CDH18: variants seen among roughly 807,000 people sequenced by gnomAD.
CDH18 encodes cadherin-18.
CDH18 carries 31 observed loss-of-function variants against 67.9 expected under a neutral mutation model. That is an observed-to-expected ratio of 0.46 (90% CI 0.34 to 0.62). The LOEUF (loss-of-function observed/expected upper bound fraction) is 0.62. Ranked by LOEUF, CDH18 falls within the 20% of genes least tolerant of loss-of-function variation. CDH18 has a pLI of 0.01. For synonymous variants in CDH18, 362 were observed against 347.2 expected, an observed-to-expected ratio of 1.04 and a Z score of -0.48; for missense variants, 890 against 975.5, an observed-to-expected ratio of 0.91 and a Z score of 1.17.
At chr5:20,096,884 C>T (rs922682128) in intron 2 of CDH18, among the ~76,000 whole-genome samples, 1 of 151,970 alleles carries the variant, frequency 6.6e-6, no homozygotes, top group Non-Finnish European at 1.5e-5. Flanking sequence ...GGTACATATC[C>T]ATTAGTTAAA....
At chr5:20,467,111 A>G (rs1751684699) in intron 1 of CDH18, among the ~76,000 whole-genome samples, 1 of 152,140 alleles carries the variant, frequency 6.6e-6, no homozygotes, top group African/African-American at 2.4e-5. Flanking sequence ...TTGATGCAGT[A>G]ACTATATGGT....
At chr5:20,238,137 TA>T (rs1742617950) in intron 2 of CDH18, among the ~76,000 whole-genome samples, 1 of 144,552 alleles carries the variant, frequency 6.9e-6, no homozygotes, top group Non-Finnish European at 1.5e-5. Context: ...AAGAGGGTCA[TA>T]AACATAAATG....
intron 2 of CDH18, among the ~76,000 whole-genome samples, chr5:20,107,132 G>A (rs1349731772): frequency 1.3e-5 from 2 of 150,104 alleles, no homozygotes; most frequent in African/African-American, 2.5e-5. Context: ...CCAGGCTGGA[G>A]TGCAGTGGCG....
At position 19,648,210 on chromosome 5, in the gene CDH18, T is replaced by A. The variant is rs557337079; in HGVS notation, c.644-35609A>T. On this transcript the variant is annotated intron_variant, in intron 5 of 12. Transcript: ENST00000382275. ...CAGATGGATCACTTTAGGTCGGTAG[T>A]TCGAGACCAGCCTGGCCAACATGTT... is the stretch of plus-strand genomic sequence containing the variant. Among the ~76,000 whole-genome samples the A allele has an allele frequency of 8.0e-5, 12 of 150,552 alleles. No homozygotes were observed. In the East Asian group the frequency reaches 1.8e-3, roughly 22 times the overall value.
chr5:19,687,530 G>A (rs1580872570), intron 5 of CDH18, among the ~76,000 whole-genome samples: 1 of 152,266 alleles, frequency 6.6e-6, no homozygotes, highest in African/African-American at 2.4e-5. Flanking sequence ...CGTTGGCATA[G>A]GACAAGGGAG....
chr5:19,609,958 A>G (rs1748680097), intron 6 of CDH18, among the ~76,000 whole-genome samples: 1 of 152,100 alleles, frequency 6.6e-6, no homozygotes, highest in African/African-American at 2.4e-5. Flanking sequence ...CTAGGTACAT[A>G]GCTGTTTAAT....
intron 1 of CDH18, among the ~76,000 whole-genome samples, chr5:20,361,202 A>C (rs1328812204): frequency 6.6e-6 from 1 of 152,030 alleles, no homozygotes; most frequent in Non-Finnish European, 1.5e-5. Context: ...GATATCAGTC[A>C]AAAGAAATAT....
chr5:19,535,002 GA>G (rs1383305237), intron 9 of CDH18, among the ~76,000 whole-genome samples: 2 of 152,092 alleles, frequency 1.3e-5, no homozygotes, highest in Non-Finnish European at 2.9e-5. Context: ...AGACATGTTG[GA>G]AGCATCTCCC....
chr5:20,062,081 C>T (rs1338583545), intron 2 of CDH18, among the ~76,000 whole-genome samples: 1 of 151,420 alleles, frequency 6.6e-6, no homozygotes, highest in Admixed American at 6.6e-5. Context: ...CCTGGAGGGG[C>T]TCAGTAAATA....
intron 1 of CDH18, among the ~76,000 whole-genome samples, chr5:20,296,408 C>T (rs931996519): frequency 1.3e-5 from 2 of 151,138 alleles, no homozygotes; most frequent in Non-Finnish European, 3.0e-5. Flanking sequence ...ACTACAGGCG[C>T]CCGCCACCAC....
In CDH18 at chr5:19,755,438, T is replaced by TATAC. The variant is rs1478038216; in HGVS notation, c.229-8203_229-8202insGTAT. Among the ~76,000 whole-genome samples the TATAC allele has an allele frequency of 4.8e-4, 5 of 10,442 alleles. 1 individual carries two copies. The highest frequency in any genetic ancestry group is 5.5e-4 in the African/African-American group (5 of 9,116). The allele number at this position is 10,442 out of a possible 152,430, so 6.9% of individuals were successfully genotyped here. On this transcript the variant is annotated intron_variant, in intron 3 of 12. Coordinates refer to ENST00000382275, the MANE Select transcript of CDH18 (RefSeq NM_004934.5). The stretch of plus-strand genomic sequence containing the variant: ...ACAGAACTAACAGGGTATGTATATA[T>TATAC]ATATATATATATATATATATACACA...
chr5:20,112,766 T>C (rs1747587750), intron 2 of CDH18, among the ~76,000 whole-genome samples: 1 of 152,150 alleles, frequency 6.6e-6, no homozygotes, highest in Admixed American at 6.5e-5. Flanking sequence ...ATGCTCATTA[T>C]TCATATTATT....
intron 2 of CDH18, among the ~76,000 whole-genome samples, chr5:19,902,338 T>C (rs1333465490): frequency 6.6e-6 from 1 of 152,122 alleles, no homozygotes; most frequent in Non-Finnish European, 1.5e-5. Flanking sequence ...CTGGGATCCT[T>C]ACAAAAGACC....
intron 1 of CDH18, among the ~76,000 whole-genome samples, chr5:20,288,577 C>T (rs549031555): frequency 1.3e-5 from 2 of 151,694 alleles, no homozygotes; most frequent in South Asian, 2.1e-4. Context: ...TTCATGACAT[C>T]AAAATAATTT....
chr5:19,572,382 T>C (rs1168094486), intron 7 of CDH18, among the ~76,000 whole-genome samples: 2 of 152,210 alleles, frequency 1.3e-5, no homozygotes, highest in Non-Finnish European at 2.9e-5. Context: ...CATTTCTATT[T>C]ATGCCACTGA....
At chr5:20,199,919 T>A (rs185015671) in intron 2 of CDH18, among the ~76,000 whole-genome samples, 3 of 152,284 alleles carry the variant, frequency 2.0e-5, no homozygotes, top group African/African-American at 7.2e-5. Flanking sequence ...GGTGACTTCC[T>A]CCCCTTTATC....
intron 2 of CDH18, among the ~76,000 whole-genome samples, chr5:20,254,973 G>A (rs1303040228): frequency 6.6e-6 from 1 of 152,056 alleles, no homozygotes; most frequent in Non-Finnish European, 1.5e-5. Context: ...GCAGCAATGC[G>A]AATGGAACTG....
rs139488984 is a variant in CDH18 at position 20,546,527 on chromosome 5, A to G, written c.-580+28935T>C. 1.1e-4 allele frequency among the ~76,000 whole-genome samples: 17 copies of G among 152,268 alleles called. 1 individual carries two copies. Among genetic ancestry groups the G allele is most frequent in the Middle Eastern group, 3.4e-3 (1 of 294 alleles). On this transcript the variant is annotated intron_variant, in intron 1 of 14. Transcript: ENST00000507958. ...TGGAAGGTGAAGGGAAGTAAAGCAC[A>G]TCTTATGTGGCAGCAAGAGAGAGTG... is the stretch of plus-strand genomic sequence containing the variant.
intron 1 of CDH18, among the ~76,000 whole-genome samples, chr5:20,344,508 T>G (rs945284375): frequency 6.6e-6 from 1 of 152,030 alleles, no homozygotes; most frequent in Non-Finnish European, 1.5e-5. Flanking sequence ...TTACTCACTT[T>G]GGACTCCATA....
Sources: allele counts gnomAD v4.1 joint callset (sites outside exome capture counted in the v4.1 genomes callset), GRCh38; gene constraint gnomAD v4.1.1; transcripts MANE v1.5; gene names NCBI Gene and HGNC (gene_info 2026-07-23, HGNC 2026-07-21).